B9D1: variants seen among roughly 807,000 people sequenced by gnomAD.
B9D1 encodes the protein B9 domain containing 1.
In B9D1, 20 loss-of-function variants were observed where a neutral mutation model predicts 26.1. The ratio of observed to expected loss-of-function variants is 0.77; its 90% CI spans 0.54 to 1.12. The LOEUF is 1.12. Among genes scored for constraint, B9D1 ranks in the 50% most tolerant of loss-of-function variants. B9D1 has a pLI of 0.00. For synonymous variants in B9D1, 105 were observed against 103.1 expected (o/e 1.02, Z -0.11); for missense variants, 260 against 273.7 (o/e 0.95, Z 0.35).
chr17:19,364,346 T>C (rs1598097109), upstream of B9D1: 1 of 152,150 alleles, frequency 6.6e-6, no homozygotes, highest in African/African-American at 2.4e-5. This position sits in a 1 kb window ranked among gnomAD's most constrained non-coding sequence, Gnocchi z 4.3. Flanking sequence ...GGCCTAACTT[T>C]AACAAGTCTA....
intron 1 of B9D1, among the ~76,000 whole-genome samples, chr17:19,373,386 C>CT (rs1462764244): frequency 6.6e-6 from 1 of 151,342 alleles, no homozygotes; most frequent in Non-Finnish European, 1.5e-5. Context: ...TTATATACCT[C>CT]TTTTTTTTAC....
chr17:19,342,475 T>C (rs1908078463), downstream of B9D1, among the ~76,000 whole-genome samples: 1 of 152,068 alleles, frequency 6.6e-6, no homozygotes, highest in African/African-American at 2.4e-5. Context: ...TGGGGCACCA[T>C]GTCTGCCGAA....
intron 3 of B9D1, among the ~76,000 whole-genome samples, chr17:19,354,306 T>A (rs1850893058): frequency 6.6e-6 from 1 of 152,176 alleles, no homozygotes; most frequent in Admixed American, 6.5e-5. Flanking sequence ...CTTTACTGCC[T>A]CTCCCCATGC....
chr17:19,349,675 C>G (rs1352451581), intron 3 of B9D1, among the ~76,000 whole-genome samples: 1 of 152,182 alleles, frequency 6.6e-6, no homozygotes, highest in African/African-American at 2.4e-5. Flanking sequence ...AGTCACCTTG[C>G]CTGGCCTGGC....
At chr17:19,350,438 C>T (rs989628875) in intron 3 of B9D1, among the ~76,000 whole-genome samples, 2 of 151,352 alleles carry the variant, frequency 1.3e-5, no homozygotes, top group Non-Finnish European at 2.9e-5. Flanking sequence ...CCCAGCTACT[C>T]CGGAGGCTGA....
intron 2 of B9D1, among the ~76,000 whole-genome samples, chr17:19,360,050 G>T (rs1328765111): frequency 6.6e-6 from 1 of 152,134 alleles, no homozygotes; most frequent in Non-Finnish European, 1.5e-5. Flanking sequence ...GGCTCACTGG[G>T]GCCTGCCTCC....
At chr17:19,346,576 A>G (rs1273201262) in intron 5 of B9D1, among the ~76,000 whole-genome samples, 1 of 152,122 alleles carries the variant, frequency 6.6e-6, no homozygotes, top group Non-Finnish European at 1.5e-5. Flanking sequence ...CTGGCCCTCT[A>G]AGCTCCCACT....
intron 3 of B9D1, among the ~76,000 whole-genome samples, chr17:19,357,367 G>A (rs562732021): frequency 1.7e-4 from 26 of 152,248 alleles, no homozygotes; most frequent in Non-Finnish European, 3.7e-4. Context: ...TTGGGAAAGA[G>A]GTTAGACATA....
intron 5 of B9D1, among the ~76,000 whole-genome samples, chr17:19,346,460 G>A (rs1313176503): frequency 6.6e-6 from 1 of 152,204 alleles, no homozygotes; most frequent in Non-Finnish European, 1.5e-5. Flanking sequence ...CTGGAACCCA[G>A]GGAGTCCTCC....
intron 3 of B9D1, among the ~76,000 whole-genome samples, chr17:19,355,490 C>G (rs1910206701): frequency 6.8e-6 from 1 of 147,064 alleles, no homozygotes; most frequent in African/African-American, 2.5e-5. Context: ...AATGGCGCCA[C>G]TTTACTCAGA....
chr17:19,354,023 G>A (rs1011627755), intron 3 of B9D1, among the ~76,000 whole-genome samples: 1 of 152,116 alleles, frequency 6.6e-6, no homozygotes, highest in African/African-American at 2.4e-5. Flanking sequence ...ACTGCCCCCT[G>A]CAAATTCAAA....
chr17:19,356,714 G>A (rs575072834), intron 3 of B9D1, among the ~76,000 whole-genome samples: 9 of 152,212 alleles, frequency 5.9e-5, no homozygotes, highest in Non-Finnish European at 1.0e-4. Flanking sequence ...CAGAGGAGAT[G>A]GGATTGGGGT....
chr17:19,356,323 C>G (rs1910350736), intron 3 of B9D1, among the ~76,000 whole-genome samples: 1 of 152,172 alleles, frequency 6.6e-6, no homozygotes, highest in Admixed American at 6.5e-5. Context: ...AACTCCTGAG[C>G]TCAGGCGATC....
chr17:19,355,799 A>C (rs908389561), intron 3 of B9D1, among the ~76,000 whole-genome samples: 1 of 152,068 alleles, frequency 6.6e-6, no homozygotes, highest in African/African-American at 2.4e-5. Flanking sequence ...GTGCCACTGC[A>C]CTCCAGCCTG....
downstream of B9D1, among the ~76,000 whole-genome samples, chr17:19,340,472 T>A (rs1464583872): frequency 7.0e-6 from 1 of 142,854 alleles, no homozygotes; most frequent in Non-Finnish European, 1.5e-5. Context: ...ATGTCCGGCC[T>A]GGTTGTGCAT....
intron 5 of B9D1, among the ~76,000 whole-genome samples, chr17:19,344,094 C>G (rs995632640): frequency 4.6e-5 from 7 of 152,254 alleles, no homozygotes; most frequent in African/African-American, 7.2e-5. Flanking sequence ...TGCAGCCACG[C>G]TGCCTCCGCT....
At chr17:19,337,562 G>A (rs1348254678), downstream of B9D1, 18 of 649,022 alleles carry the variant, frequency 2.8e-5, no homozygotes, top group Non-Finnish European at 4.8e-5. Context: ...GGCAGGGGGT[G>A]CCCGTTCAGT....
chr17:19,360,490 T>C lies in B9D1; in HGVS notation c.64-102A>G, dbSNP rs74793944. The C allele has an allele frequency of 6.6e-3, 6,697 of 1,009,478 alleles. 260 individuals carry two copies. In the African/African-American group the frequency reaches 0.083, roughly 13 times the overall value. The allele number at this position is 1,009,478 out of a possible 1,614,324, so 62.5% of individuals were successfully genotyped here. A position where few individuals can be genotyped will look rare whatever the true frequency, so the allele number is the denominator to read the frequency against. ...AGGGGAATTCTGAACGTGAGACACC[T>C]GGGAGTGGGTCTAAGAGACGGCTGG... is the stretch of plus-strand genomic sequence containing the variant. On this transcript the variant is annotated intron_variant, in intron 1 of 6. Coordinates refer to ENST00000261499, the MANE Select transcript of B9D1 (RefSeq NM_015681.6).
At chr17:19,356,237 G>A (rs567221945) in intron 3 of B9D1, among the ~76,000 whole-genome samples, 33 of 151,844 alleles carry the variant, frequency 2.2e-4, no homozygotes, top group African/African-American at 7.2e-4. Flanking sequence ...GATTACAGGC[G>A]CCCACCCCCA....
Sources: allele counts gnomAD v4.1 joint callset (sites outside exome capture counted in the v4.1 genomes callset), GRCh38; gene constraint gnomAD v4.1.1; non-coding constraint Gnocchi (gnomAD v3.1); transcripts MANE v1.5; gene names NCBI Gene and HGNC (gene_info 2026-07-23, HGNC 2026-07-21).